Variants in BRWD1 observed in about 807,000 individuals in gnomAD.
The protein encoded by BRWD1 is bromodomain and WD repeat domain containing 1, also known as bromodomain and WD repeat-containing protein 1.
In BRWD1, 82 loss-of-function variants were observed where a neutral mutation model predicts 251.2. That is an observed-to-expected ratio of 0.33 (90% CI 0.27 to 0.39). BRWD1 has a LOEUF of 0.39. Ranked by LOEUF, BRWD1 falls within the 10% of genes least tolerant of loss-of-function variation. The pLI is 1.00. For synonymous variants in BRWD1, 918 were observed against 902.8 expected, an observed-to-expected ratio of 1.02 and a Z score of -0.30; for missense variants, 2,233 against 2,711.6, an observed-to-expected ratio of 0.82 and a Z score of 3.92.
chr21:39,270,592 G>GA (rs1483128632), intron 13 of BRWD1, among the ~76,000 whole-genome samples, 159 bp from the exon 14 acceptor site: 1 of 152,174 alleles, frequency 6.6e-6, no homozygotes. Context: ...AGACTGTCTA[G>GA]AAACAGGTGA....
At chr21:39,295,703 C>T in intron 7 of BRWD1, 40 bp downstream of exon 7, 1 of 1,480,566 alleles carries the variant, frequency 6.8e-7, no homozygotes. Flanking sequence ...CACTAAAGTA[C>T]TCTAGATGAC....
chr21:39,251,067 G>A (rs1162100544), intron 19 of BRWD1, among the ~76,000 whole-genome samples, 178 bp from the exon 20 acceptor site: 2 of 151,996 alleles, frequency 1.3e-5, no homozygotes, highest in African/African-American at 4.8e-5. Context: ...AATCTCAGAG[G>A]CAGTTAAACC....
rs977245550 is a variant in BRWD1, at chr21:39,195,731, A to T, written c.*528T>A. 1.8e-5 allele frequency: 17 copies of T among 957,236 alleles called. No homozygotes were observed. Among genetic ancestry groups the T allele is most frequent in the African/African-American group, 4.1e-5 (2 of 48,626 alleles). The allele number at this position is 957,236 out of a possible 1,614,324, so 59.3% of individuals were successfully genotyped here. A position where few individuals can be genotyped will look rare whatever the true frequency, so the allele number is the denominator to read the frequency against. ...CTGGTATAATGCATTCTACTCAAGT[A>T]GCCAGGGGAAGAAAAAAAAAAAAGT... On this transcript the variant is annotated 3_prime_UTR_variant, in exon 41 of 41. Coordinates refer to ENST00000342449, the MANE Select transcript of BRWD1 (RefSeq NM_033656.4).
At chr21:39,239,007 G>T (rs1289943023) in intron 21 of BRWD1, among the ~76,000 whole-genome samples, 1 of 152,092 alleles carries the variant, frequency 6.6e-6, no homozygotes, top group East Asian at 1.9e-4. Flanking sequence ...GTGTCTGTTA[G>T]ATCTTCTGCC....
intron 17 of BRWD1, 120 bp downstream of exon 17, chr21:39,264,336 TAATA>T: frequency 1.5e-6 from 1 of 649,324 alleles, no homozygotes; most frequent in Non-Finnish European, 2.4e-6. Flanking sequence ...AGAAAAAAAA[TAATA>T]AAACAAATAT....
intron 21 of BRWD1, among the ~76,000 whole-genome samples, chr21:39,243,381 T>C (rs574089162): frequency 1.6e-4 from 24 of 152,308 alleles, no homozygotes; most frequent in Admixed American, 3.9e-4. Flanking sequence ...ATCAGGACCA[T>C]TGACTGGTAA....
At chr21:39,203,438 C>CTTTTTTTTTTTT (rs71330353) in intron 37 of BRWD1, among the ~76,000 whole-genome samples, 1,031 of 67,700 alleles carry the variant, frequency 0.015, 129 homozygotes, top group Non-Finnish European at 0.024. Flanking sequence ...GACCCTGGTT[C>CTTTTTTTTTTTT]TTTTTTTTTT....
intron 8 of BRWD1, among the ~76,000 whole-genome samples, chr21:39,293,031 A>G (rs1043126542): frequency 9.9e-5 from 15 of 152,232 alleles, no homozygotes; most frequent in African/African-American, 3.6e-4. Context: ...AAATATTTGC[A>G]GAAGAAATTA....
chr21:39,307,146 G>A (rs2036313165), intron 4 of BRWD1, among the ~76,000 whole-genome samples: 1 of 152,190 alleles, frequency 6.6e-6, no homozygotes, highest in Admixed American at 6.5e-5. Flanking sequence ...GAGCCACTGA[G>A]CCTGGTTATA....
chr21:39,213,999 A>G (rs1342531618), intron 32 of BRWD1, among the ~76,000 whole-genome samples: 3 of 152,000 alleles, frequency 2.0e-5, no homozygotes, highest in Non-Finnish European at 4.4e-5. Flanking sequence ...GGAGAAAAAA[A>G]GAATGCTGAA....
chr21:39,288,649 G>C (rs1221743434), intron 8 of BRWD1, among the ~76,000 whole-genome samples: 1 of 152,024 alleles, frequency 6.6e-6, no homozygotes, highest in Admixed American at 6.6e-5. Flanking sequence ...CTCACCAATT[G>C]CATGAACAGT....
chr21:39,195,769 G>A lies in BRWD1; in HGVS notation c.*490C>T, dbSNP rs1298143288. The stretch of plus-strand genomic sequence containing the variant: ...AAAAAAAAAAAGTGGTAGGTACCTC[G>A]CCTACTAATCATGGTTACACCTCCC... On this transcript the variant is annotated 3_prime_UTR_variant, in exon 41 of 41. Coordinates refer to ENST00000342449, the MANE Select transcript of BRWD1 (RefSeq NM_033656.4). 11 of 984,514 alleles carry A rather than the reference G, an allele frequency of 1.1e-5. No individual in the cohort carries two copies. In the Admixed American group the frequency reaches 1.9e-4, roughly 17 times the overall value. 61.0% of individuals were successfully genotyped at this position (984,514 alleles called of 1,614,324 possible).
At position 39,190,366 on chromosome 21, in the gene BRWD1, A is replaced by T; in HGVS notation, c.*5893T>A. Reference sequence around the variant, plus strand: ...TATAAAATTTTCATTGGCATTTTTAAAATTGGAGCATTTAAAACAGATTTG... The same window carrying T: ...TATAAAATTTTCATTGGCATTTTTATAATTGGAGCATTTAAAACAGATTTG... On this transcript the variant is annotated 3_prime_UTR_variant, in exon 41 of 41. Coordinates refer to ENST00000342449, the MANE Select transcript of BRWD1 (RefSeq NM_033656.4). The T allele has an allele frequency of 1.0e-6, 1 of 985,334 alleles. No homozygotes were observed. The highest frequency in any genetic ancestry group is 1.2e-6 in the Non-Finnish European group (1 of 829,870). The allele number at this position is 985,334 out of a possible 1,614,324, so 61.0% of individuals were successfully genotyped here. A position where few individuals can be genotyped will look rare whatever the true frequency, so the allele number is the denominator to read the frequency against.
In BRWD1 at chr21:39,189,963, G is replaced by A; in HGVS notation, c.*6296C>T. ...CTTGTTTCAGTCATGGGTTTACAAA[G>A]TCATTGAGTGCTTGAGGACTTGTTT... On this transcript the variant is annotated 3_prime_UTR_variant, in exon 41 of 41. Coordinates refer to ENST00000342449, the MANE Select transcript of BRWD1 (RefSeq NM_033656.4). The A allele has an allele frequency of 1.0e-6, 1 of 985,386 alleles. No homozygotes were observed. The highest frequency in any genetic ancestry group is 1.2e-6 in the Non-Finnish European group (1 of 829,908). The allele number at this position is 985,386 out of a possible 1,614,324, so 61.0% of individuals were successfully genotyped here.
At chr21:39,225,330 TAAAC>T (rs751067374) in intron 27 of BRWD1, 133 bp from the exon 28 acceptor site, 4 of 615,946 alleles carry the variant, frequency 6.5e-6, no homozygotes, top group Admixed American at 3.1e-5. Context: ...GCAGCGCTCC[TAAAC>T]AAACCAAGAA....
chr21:39,206,022 C>A, intron 37 of BRWD1, 86 bp downstream of exon 37: 1 of 1,319,950 alleles, frequency 7.6e-7, no homozygotes, highest in African/African-American at 1.5e-5. Context: ...AGAGATCATG[C>A]CACTGCACTC....
chr21:39,284,714 T>C (rs1304306529), intron 8 of BRWD1, among the ~76,000 whole-genome samples: 3 of 152,174 alleles, frequency 2.0e-5, no homozygotes, highest in Admixed American at 6.5e-5. Context: ...TGTCAGCCAT[T>C]TGTATGTGTT....
intron 4 of BRWD1, among the ~76,000 whole-genome samples, chr21:39,307,488 T>C (rs897381592): frequency 5.3e-5 from 8 of 152,190 alleles, no homozygotes; most frequent in Non-Finnish European, 1.2e-4. Flanking sequence ...GCACATATTA[T>C]ATGTATATAT....
chr21:39,259,049 T>C (rs1446251572), intron 17 of BRWD1, among the ~76,000 whole-genome samples: 1 of 152,178 alleles, frequency 6.6e-6, no homozygotes, highest in Non-Finnish European at 1.5e-5. Flanking sequence ...CAACTATGGG[T>C]CATTTCCAAT....
Sources: gnomAD v4.1 joint callset for allele counts (sites outside exome capture counted in the v4.1 genomes callset) on GRCh38, gnomAD v4.1.1 for gene constraint, MANE v1.5 for transcripts, NCBI Gene and HGNC (gene_info 2026-07-23, HGNC 2026-07-21) for gene names.